Variants in JARID2 observed in about 807,000 individuals in gnomAD.
The protein encoded by JARID2 is jumonji and AT-rich interaction domain containing 2, also known as protein Jumonji.
Under a neutral mutation model 125.6 loss-of-function variants are expected in JARID2, and 21 were observed. The ratio of observed to expected loss-of-function variants is 0.17; its 90% CI spans 0.12 to 0.24. The LOEUF (loss-of-function observed/expected upper bound fraction) is 0.24, where lower values mean the gene tolerates loss of function less well. JARID2 is among the 10% of genes least tolerant of loss of function. The pLI is 1.00. For synonymous variants in JARID2, 736 were observed against 661.6 expected, an observed-to-expected ratio of 1.11 and a Z score of -1.73; for missense variants, 1,303 against 1,639.6, an observed-to-expected ratio of 0.79 and a Z score of 3.55.
At chr6:15,453,144 G>A (rs1335695858) in intron 4 of JARID2, among the ~76,000 whole-genome samples, 1 of 152,224 alleles carries the variant, frequency 6.6e-6, no homozygotes. Flanking sequence ...GAAGTTCACA[G>A]TGATACGTGG....
chr6:15,438,810 C>T (rs755089521), intron 3 of JARID2, among the ~76,000 whole-genome samples: 1 of 152,130 alleles, frequency 6.6e-6, no homozygotes, highest in Non-Finnish European at 1.5e-5. Flanking sequence ...AGGCGGATTG[C>T]CTGAGGTCAG....
Position 15,410,265 on chromosome 6 carries a change from T to G in JARID2, c.223T>G (p.Ser75Ala). 6.2e-7 allele frequency: 1 copy of G among 1,614,112 alleles called. No homozygotes were observed. The highest frequency in any genetic ancestry group is 8.5e-7 in the Non-Finnish European group (1 of 1,179,980). ...NDQSKGLGPA[S>A]EQSENEKDDA... Reference sequence around the variant, plus strand: ...CCAGTCTAAGGGATTAGGACCAGCATCAGAACAGTCAGAGAATGAAAAGGA... The same window carrying G: ...CCAGTCTAAGGGATTAGGACCAGCAGCAGAACAGTCAGAGAATGAAAAGGA... Residue 75 changes from serine (S) to alanine (A), a missense_variant, in exon 3 of 18, where the codon TCA becomes GCA. Ser to Ala is a moderately conservative substitution (Grantham distance 99). Transcript: ENST00000341776.
In JARID2 at chr6:15,507,260, C is replaced by G. The variant is rs1561913675; in HGVS notation, c.2660+6C>G. The G allele has an allele frequency of 6.2e-7, 1 of 1,608,696 alleles. No individual in the cohort carries two copies. The highest frequency in any genetic ancestry group is 1.1e-5 in the South Asian group (1 of 90,982). On this transcript the variant is annotated splice_donor_region_variant and intron_variant, in intron 10 of 17. Transcript: ENST00000341776. ...AAATCAGAACCCTTTTCGAGGTAAC[C>G]TGGGATTCTCTCGTCCAGGTTCTTG...
intron 1 of JARID2, among the ~76,000 whole-genome samples, chr6:15,272,800 T>A (rs140791058): frequency 6.6e-6 from 1 of 152,212 alleles, no homozygotes; most frequent in Non-Finnish European, 1.5e-5. Flanking sequence ...GTGATAATTA[T>A]AGTACCTGGG....
At chr6:15,429,868 A>G (rs1457408630) in intron 3 of JARID2, among the ~76,000 whole-genome samples, 1 of 152,170 alleles carries the variant, frequency 6.6e-6, no homozygotes, top group Non-Finnish European at 1.5e-5. Context: ...AGGGAAGCCA[A>G]AATGTACCGT....
At chr6:15,462,545 C>A (rs1328388666) in intron 4 of JARID2, among the ~76,000 whole-genome samples, 1 of 152,232 alleles carries the variant, frequency 6.6e-6, no homozygotes, top group Non-Finnish European at 1.5e-5. Context: ...GCCCAAGTCC[C>A]TGCCAGCTCA....
chr6:15,417,993 C>G lies in JARID2; in HGVS notation c.323+7628C>G, dbSNP rs12660178. Among the ~76,000 whole-genome samples the G allele has an allele frequency of 1.6e-3, 240 of 152,254 alleles. 7 individuals are homozygous for G. The East Asian group carries it at 0.04, about 25-fold the overall frequency. On this transcript the variant is annotated intron_variant, in intron 3 of 17. Coordinates refer to ENST00000341776, the MANE Select transcript of JARID2 (RefSeq NM_004973.4). ...GCAGATGGAAATGTATGGGTACTCC[C>G]TCTTTTGAAGTTATTGAGTCACGGG...
intron 3 of JARID2, among the ~76,000 whole-genome samples, chr6:15,427,357 A>G (rs1279386470): frequency 6.6e-6 from 1 of 152,196 alleles, no homozygotes; most frequent in Admixed American, 6.5e-5. Flanking sequence ...TGGCAAACAT[A>G]CTAGCTTCTT....
intron 1 of JARID2, among the ~76,000 whole-genome samples, chr6:15,351,639 A>C (rs1014914363): frequency 1.3e-5 from 2 of 152,184 alleles, no homozygotes; most frequent in African/African-American, 2.4e-5. Flanking sequence ...CTGGGAGCCA[A>C]TCCTATTCAC....
At chr6:15,309,504 C>T (rs1761943577) in intron 1 of JARID2, among the ~76,000 whole-genome samples, 1 of 151,808 alleles carries the variant, frequency 6.6e-6, no homozygotes, top group African/African-American at 2.4e-5. Context: ...ACGTCTGTTC[C>T]GTGCAGTCAT....
At chr6:15,456,878 CTTTTTTT>C (rs71535043) in intron 4 of JARID2, among the ~76,000 whole-genome samples, 1 of 95,672 alleles carries the variant, frequency 1.0e-5, no homozygotes, top group African/African-American at 4.1e-5. Context: ...GGATGTTAAG[CTTTTTTT>C]TTTTTTTTTT....
intron 5 of JARID2, among the ~76,000 whole-genome samples, chr6:15,478,813 G>A (rs1017617813): frequency 2.0e-5 from 3 of 151,908 alleles, no homozygotes; most frequent in Non-Finnish European, 4.4e-5. Flanking sequence ...GGGATTACAG[G>A]TGCCCGCCAC....
chr6:15,300,715 G>C (rs999001687), intron 1 of JARID2, among the ~76,000 whole-genome samples: 5 of 140,684 alleles, frequency 3.6e-5, no homozygotes, highest in African/African-American at 1.1e-4. Context: ...GTGTGTGTGT[G>C]TGTGTGTGAG....
intron 1 of JARID2, among the ~76,000 whole-genome samples, chr6:15,289,484 C>T (rs993501713): frequency 4.6e-5 from 7 of 152,100 alleles, no homozygotes; most frequent in South Asian, 2.1e-4. Flanking sequence ...CCTCCCGCTT[C>T]GGCCTCTTAA....
chr6:15,366,658 A>C (rs965639671), intron 1 of JARID2, among the ~76,000 whole-genome samples: 1 of 152,072 alleles, frequency 6.6e-6, no homozygotes, highest in Non-Finnish European at 1.5e-5. Flanking sequence ...CTATGGCCCC[A>C]TCAATTCGAA....
chr6:15,432,757 T>TC (rs1449500396), intron 3 of JARID2, among the ~76,000 whole-genome samples: 25 of 152,238 alleles, frequency 1.6e-4, no homozygotes, highest in African/African-American at 5.8e-4. Flanking sequence ...GACCCTGTTC[T>TC]CCTGCTGCAG....
At chr6:15,269,943 T>C (rs1760233379) in intron 1 of JARID2, among the ~76,000 whole-genome samples, 1 of 152,212 alleles carries the variant, frequency 6.6e-6, no homozygotes, top group Admixed American at 6.5e-5. Context: ...GTCATTTCTT[T>C]CCTGAGTAAT....
At chr6:15,424,519 TGAAA>T (rs774883402) in intron 3 of JARID2, among the ~76,000 whole-genome samples, 1 of 152,196 alleles carries the variant, frequency 6.6e-6, no homozygotes. Flanking sequence ...GTCAGTTATC[TGAAA>T]GAAGAGCAAT....
At chr6:15,311,903 G>A (rs79844558) in intron 1 of JARID2, among the ~76,000 whole-genome samples, 12,378 of 152,198 alleles carry the variant, frequency 0.081, 734 homozygotes, top group Non-Finnish European at 0.12. Flanking sequence ...TCCCTGGATT[G>A]TATTGCCAGA....
Sources: allele counts gnomAD v4.1 joint callset (sites outside exome capture counted in the v4.1 genomes callset), GRCh38; gene constraint gnomAD v4.1.1; transcripts MANE v1.5; gene names NCBI Gene and HGNC (gene_info 2026-07-23, HGNC 2026-07-21).